Variants in SUGCT observed in about 807,000 individuals in gnomAD.
The protein encoded by SUGCT is succinyl-CoA:glutarate-CoA transferase.
SUGCT carries 41 observed loss-of-function variants against 55.0 expected under a neutral mutation model. The observed-to-expected ratio is 0.74, with a 90% CI of 0.58 to 0.97. The LOEUF (loss-of-function observed/expected upper bound fraction) is 0.97. SUGCT is among the 50% of genes least tolerant of loss of function. The probability of loss-of-function intolerance (pLI) is 0.00; values close to 1 mark genes in which losing one functional copy is unlikely to be tolerated. For synonymous variants in SUGCT, 187 were observed against 200.4 expected (o/e 0.93, Z 0.56); for missense variants, 568 against 547.8 (o/e 1.04, Z -0.37).
chr7:40,390,086 C>G (rs553493485), intron 9 of SUGCT, among the ~76,000 whole-genome samples: 5 of 152,250 alleles, frequency 3.3e-5, no homozygotes, highest in African/African-American at 7.2e-5. Flanking sequence ...ATTCAACAGC[C>G]CTTCATGCTA....
chr7:40,644,351 G>C (rs1327078119), intron 12 of SUGCT, among the ~76,000 whole-genome samples: 2 of 152,148 alleles, frequency 1.3e-5, no homozygotes, highest in Non-Finnish European at 2.9e-5. Context: ...CTCTGGTTCT[G>C]GGCTGTGCCC....
At chr7:40,938,269 G>T in the SUGCT span, among the ~76,000 whole-genome samples, 2 of 151,926 alleles carry the variant, frequency 1.3e-5, no homozygotes, top group African/African-American at 4.8e-5. Flanking sequence ...TTACCATTTT[G>T]CCTTTTCTTT....
chr7:40,339,139 AGGTGTCAGTCTGCCCCTACTGGGG>A (rs1012680928), intron 9 of SUGCT, among the ~76,000 whole-genome samples: 7 of 152,120 alleles, frequency 4.6e-5, no homozygotes, highest in Non-Finnish European at 8.8e-5. Context: ...CAGCCGTGTG[AGGTGTCAGTCTGCCCCTACTGGGG>A]GGTACCTCCC....
intron 12 of SUGCT, among the ~76,000 whole-genome samples, chr7:40,633,503 T>A (rs1162497657): frequency 6.6e-6 from 1 of 152,212 alleles, no homozygotes; most frequent in African/African-American, 2.4e-5. Context: ...ATGAAGTCTC[T>A]TGTCAGTCAG....
At chr7:40,680,276 A>G (rs1784177406) in intron 12 of SUGCT, among the ~76,000 whole-genome samples, 1 of 152,224 alleles carries the variant, frequency 6.6e-6, no homozygotes. Flanking sequence ...TTCAGGATAT[A>G]TTATGTTCAA....
intron 13 of SUGCT, among the ~76,000 whole-genome samples, chr7:40,854,468 CTT>C (rs1491364071): frequency 7.1e-4 from 97 of 136,022 alleles, no homozygotes; most frequent in African/African-American, 2.2e-3. Flanking sequence ...TTCTTTCTTT[CTT>C]TCTTTCTCTT....
chr7:40,894,691 C>T, the SUGCT span, among the ~76,000 whole-genome samples: 3 of 152,060 alleles, frequency 2.0e-5, no homozygotes, highest in African/African-American at 7.2e-5. Context: ...TACATGTGAC[C>T]AACAAGCATC....
chr7:40,381,504 G>A (rs967932166), intron 9 of SUGCT, among the ~76,000 whole-genome samples: 36 of 151,496 alleles, frequency 2.4e-4, no homozygotes, highest in African/African-American at 7.3e-4. Context: ...TTCTGTTTTC[G>A]TAACAACAAC....
intron 9 of SUGCT, among the ~76,000 whole-genome samples, chr7:40,436,906 G>C (rs1332942282): frequency 6.6e-6 from 1 of 152,010 alleles, no homozygotes; most frequent in Non-Finnish European, 1.5e-5. Context: ...CTCTTGTCTA[G>C]AATTTTTTTT....
chr7:40,813,506 T>C (rs1563020922), intron 13 of SUGCT, among the ~76,000 whole-genome samples: 1 of 152,182 alleles, frequency 6.6e-6, no homozygotes, highest in Non-Finnish European at 1.5e-5. Flanking sequence ...TTAAAGTATA[T>C]TGTGGCTGAT....
the SUGCT span, among the ~76,000 whole-genome samples, chr7:41,009,483 T>G: frequency 6.6e-6 from 1 of 152,076 alleles, no homozygotes; most frequent in Non-Finnish European, 1.5e-5. Context: ...GGTAACTGGG[T>G]CCATCTATGT....
At chr7:40,734,719 C>G (rs879597803) in intron 12 of SUGCT, among the ~76,000 whole-genome samples, 4 of 151,694 alleles carry the variant, frequency 2.6e-5, no homozygotes, top group Admixed American at 1.3e-4. Context: ...TTACTTTGGT[C>G]CCTGCAAAAA....
chr7:40,787,361 A>C (rs983103275), intron 13 of SUGCT, among the ~76,000 whole-genome samples: 1 of 152,166 alleles, frequency 6.6e-6, no homozygotes, highest in Non-Finnish European at 1.5e-5. Flanking sequence ...TTCTTGGTGC[A>C]TGGCATAATG....
intron 1 of SUGCT, among the ~76,000 whole-genome samples, chr7:40,167,245 G>C (rs1172879877): frequency 6.6e-6 from 1 of 152,118 alleles, no homozygotes; most frequent in Admixed American, 6.6e-5. Context: ...TGCTTAAAGA[G>C]AGAAGCCAGA....
chr7:40,409,243 A>G (rs1043359931), intron 9 of SUGCT, among the ~76,000 whole-genome samples: 11 of 151,766 alleles, frequency 7.2e-5, no homozygotes, highest in African/African-American at 2.7e-4. Flanking sequence ...GGTGTGAGCC[A>G]TCATGCTGAG....
chr7:40,448,959 T>G (rs560977223), intron 9 of SUGCT, among the ~76,000 whole-genome samples: 2,626 of 148,874 alleles, frequency 0.018, 72 homozygotes, highest in African/African-American at 0.062. Context: ...TGTATATATA[T>G]ATAGAGAGAG....
intron 9 of SUGCT, among the ~76,000 whole-genome samples, chr7:40,373,880 T>TCATAAAGAGCATTAG (rs1214250947): frequency 6.6e-6 from 1 of 152,182 alleles, no homozygotes; most frequent in Non-Finnish European, 1.5e-5. Flanking sequence ...GAATTCATTA[T>TCATAAAGAGCATTAG]CATAAAGAGG....
chr7:40,999,319 C>T, the SUGCT span, among the ~76,000 whole-genome samples: 1 of 151,732 alleles, frequency 6.6e-6, no homozygotes, highest in South Asian at 2.1e-4. Context: ...AGCCTTGGGA[C>T]TAAAACTTAA....
intron 13 of SUGCT, among the ~76,000 whole-genome samples, chr7:40,772,647 T>A (rs996808248): frequency 7.2e-6 from 1 of 138,498 alleles, no homozygotes; most frequent in Non-Finnish European, 1.6e-5. Flanking sequence ...CATTTACTTT[T>A]GAGACAGGGT....
Sources: gnomAD v4.1 joint callset for allele counts (sites outside exome capture counted in the v4.1 genomes callset) on GRCh38, gnomAD v4.1.1 for gene constraint, MANE v1.5 for transcripts, NCBI Gene and HGNC (gene_info 2026-07-23, HGNC 2026-07-21) for gene names.